ZFAND6: variants seen among roughly 807,000 people sequenced by gnomAD.
ZFAND6 encodes the protein AN1-type zinc finger protein 6.
ZFAND6 carries 12 observed loss-of-function variants against 24.5 expected under a neutral mutation model. The observed-to-expected ratio is 0.49, with a 90% confidence interval of 0.31 to 0.79. The LOEUF is 0.79. ZFAND6 is among the 30% of genes least tolerant of loss of function. The pLI, the probability that ZFAND6 is intolerant of heterozygous loss-of-function variation, is 0.04. For missense variants in ZFAND6, 207 were observed against 245.9 expected (o/e 0.84, Z 1.06); for synonymous variants, 92 against 81.5 (o/e 1.13, Z -0.69).
intron 1 of ZFAND6, among the ~76,000 whole-genome samples, chr15:80,071,808 T>C (rs758345897): frequency 6.6e-6 from 1 of 152,020 alleles, no homozygotes; most frequent in Non-Finnish European, 1.5e-5. Context: ...AACATGTCAT[T>C]AGAACATGTG....
chr15:80,073,829 T>C (rs1291799211), intron 1 of ZFAND6, among the ~76,000 whole-genome samples: 1 of 151,974 alleles, frequency 6.6e-6, no homozygotes, highest in African/African-American at 2.4e-5. Flanking sequence ...TAAATTGATG[T>C]GACCTGAATT....
intron 6 of ZFAND6, among the ~76,000 whole-genome samples, chr15:80,132,904 A>G (rs2142057842): frequency 6.6e-6 from 1 of 150,584 alleles, no homozygotes; most frequent in Admixed American, 6.7e-5. Flanking sequence ...GATGTCTGCC[A>G]TTTCAGGATA....
intron 6 of ZFAND6, among the ~76,000 whole-genome samples, chr15:80,133,672 C>G (rs919229255): frequency 6.6e-6 from 1 of 152,070 alleles, no homozygotes; most frequent in Admixed American, 6.6e-5. Context: ...GACAAAAGTG[C>G]CCTATTCTGG....
intron 6 of ZFAND6, among the ~76,000 whole-genome samples, chr15:80,134,208 C>G (rs781573840): frequency 2.0e-5 from 3 of 151,938 alleles, no homozygotes; most frequent in Non-Finnish European, 4.4e-5. Flanking sequence ...CAAGCTGGTC[C>G]CAAACTCCTG....
intron 1 of ZFAND6, among the ~76,000 whole-genome samples, chr15:80,097,092 C>G (rs564999214): frequency 6.6e-6 from 1 of 151,616 alleles, no homozygotes; most frequent in African/African-American, 2.4e-5. Context: ...CTCCACCTCC[C>G]AGGTTCAAGT....
chr15:80,112,882 G>GA, intron 2 of ZFAND6: 1 of 455,624 alleles, frequency 2.2e-6, no homozygotes, highest in Non-Finnish European at 4.4e-6. Context: ...CAGTTAATAA[G>GA]AAAAAATTAG....
chr15:80,091,029 G>A (rs2141897431), intron 1 of ZFAND6, among the ~76,000 whole-genome samples: 1 of 152,262 alleles, frequency 6.6e-6, no homozygotes, highest in Middle Eastern at 3.4e-3. Context: ...CACATCCTAG[G>A]TTTTGATTTA....
intron 2 of ZFAND6, among the ~76,000 whole-genome samples, chr15:80,113,449 C>T (rs994826364): frequency 6.6e-6 from 1 of 152,124 alleles, no homozygotes; most frequent in Admixed American, 6.5e-5. Context: ...CTTCTTTGGA[C>T]TAATTCATCA....
intron 1 of ZFAND6, among the ~76,000 whole-genome samples, chr15:80,079,895 C>T (rs1567057493): frequency 6.6e-6 from 1 of 152,028 alleles, no homozygotes; most frequent in Non-Finnish European, 1.5e-5. Flanking sequence ...TTGTGATCCA[C>T]CTGCCTCGGC....
intron 2 of ZFAND6, among the ~76,000 whole-genome samples, chr15:80,113,806 T>TA (rs572548232): frequency 1.2e-3 from 152 of 130,476 alleles, no homozygotes; most frequent in African/African-American, 4.1e-3. Context: ...AGAAGAAACT[T>TA]AGAGTTTAGC....
chr15:80,124,627 C>T (rs546369643), intron 5 of ZFAND6, among the ~76,000 whole-genome samples: 7 of 151,986 alleles, frequency 4.6e-5, no homozygotes, highest in Non-Finnish European at 7.4e-5. Flanking sequence ...AAAACAATAC[C>T]GTTTTCTCCA....
chr15:80,126,381 CAA>C (rs2040370740), intron 5 of ZFAND6, among the ~76,000 whole-genome samples: 1 of 152,116 alleles, frequency 6.6e-6, no homozygotes, highest in African/African-American at 2.4e-5. Context: ...TTCCTGGCTT[CAA>C]AATTGAGTAC....
Position 80,121,737 on chromosome 15 carries a change from A to G in ZFAND6, c.180A>G (p.Glu60=), listed in dbSNP as rs2040157059. The change falls in exon 4 of 7, where the codon GAA becomes GAG. Residue 60 remains glutamate, a synonymous_variant. Transcript: ENST00000261749. ...CAACCTCTGTCAGTAGTCTGTCTGA[A>G]TCTTTACCAGTTCAATGCACAGATG... ...PPATSVSSLS[E]SLPVQCTDGS... The G allele has an allele frequency of 6.2e-7, 1 of 1,613,882 alleles. No individual in the cohort carries two copies. Among genetic ancestry groups the G allele is most frequent in the Non-Finnish European group, 8.5e-7 (1 of 1,179,856 alleles).
chr15:80,099,729 G>A (rs1449584753), intron 2 of ZFAND6, among the ~76,000 whole-genome samples: 1 of 142,374 alleles, frequency 7.0e-6, no homozygotes, highest in Admixed American at 7.9e-5. Context: ...TAATTCTCCT[G>A]TCTCAGCCTC....
chr15:80,067,560 T>C (rs2036716758), intron 1 of ZFAND6, among the ~76,000 whole-genome samples: 1 of 152,228 alleles, frequency 6.6e-6, no homozygotes, highest in Non-Finnish European at 1.5e-5. Context: ...GTCTGGTAGC[T>C]ACCATCCACT....
chr15:80,117,925 T>A (rs1430148020), intron 2 of ZFAND6, among the ~76,000 whole-genome samples: 1 of 152,052 alleles, frequency 6.6e-6, no homozygotes, highest in African/African-American at 2.4e-5. Flanking sequence ...ATGAAAACAA[T>A]TTTGACCTCT....
chr15:80,080,215 T>C (rs535900643), intron 1 of ZFAND6, among the ~76,000 whole-genome samples: 234 of 152,156 alleles, frequency 1.5e-3, no homozygotes, highest in African/African-American at 5.2e-3. Flanking sequence ...CAGGCTGGTC[T>C]TGAATTCCTG....
At chr15:80,128,948 G>A (rs2040482194) in intron 5 of ZFAND6, among the ~76,000 whole-genome samples, 1 of 152,158 alleles carries the variant, frequency 6.6e-6, no homozygotes. Context: ...GACCAGTTTT[G>A]TTAAAAACTA....
At chr15:80,083,460 A>G (rs1481148226) in intron 1 of ZFAND6, among the ~76,000 whole-genome samples, 8 of 152,202 alleles carry the variant, frequency 5.3e-5, no homozygotes, top group African/African-American at 1.9e-4. Flanking sequence ...TGAGGGAGAA[A>G]AGAGACCAGA....
Sources: gnomAD v4.1 joint callset for allele counts (sites outside exome capture counted in the v4.1 genomes callset) on GRCh38, gnomAD v4.1.1 for gene constraint, MANE v1.5 for transcripts, NCBI Gene and HGNC (gene_info 2026-07-23, HGNC 2026-07-21) for gene names.